APBA2: variants seen among roughly 807,000 people sequenced by gnomAD.
The protein encoded by APBA2 is amyloid beta precursor protein binding family A member 2, also known as amyloid-beta A4 precursor protein-binding family A member 2.
A neutral mutation model predicts 75.0 loss-of-function variants in APBA2; 30 were observed. That is an observed-to-expected ratio of 0.40 (90% CI 0.30 to 0.54). The LOEUF (loss-of-function observed/expected upper bound fraction) is 0.54. APBA2 is among the 20% of genes least tolerant of loss of function. The probability of loss-of-function intolerance (pLI) is 0.49; values close to 1 mark genes in which losing one functional copy is unlikely to be tolerated. For missense variants in APBA2, 801 were observed against 1,016.1 expected, an observed-to-expected ratio of 0.79 and a Z score of 2.88; for synonymous variants, 444 against 409.6, an observed-to-expected ratio of 1.08 and a Z score of -1.01.
At chr15:29,114,815 C>A (rs1005989580) in intron 14 of APBA2, among the ~76,000 whole-genome samples, 1 of 145,918 alleles carries the variant, frequency 6.9e-6, no homozygotes, top group East Asian at 2.0e-4. Flanking sequence ...TGAGTGTATG[C>A]GGATGTACGT....
intron 2 of APBA2, among the ~76,000 whole-genome samples, chr15:28,937,995 G>A (rs1324437447): frequency 6.6e-6 from 1 of 152,186 alleles, no homozygotes; most frequent in African/African-American, 2.4e-5. Context: ...GTAAGTCAGG[G>A]ACTTAGTGTC....
At chr15:28,913,783 C>T (rs2033543405) in intron 1 of APBA2, among the ~76,000 whole-genome samples, 1 of 152,212 alleles carries the variant, frequency 6.6e-6, no homozygotes, top group Non-Finnish European at 1.5e-5. Context: ...CTTACAGTCA[C>T]CGAGTTTCTT....
chr15:28,949,543 A>G lies in APBA2; in HGVS notation c.-95+27794A>G, dbSNP rs113967726. Among the ~76,000 whole-genome samples, 731 of 152,284 alleles carry G rather than the reference A, an allele frequency of 4.8e-3. 6 individuals are homozygous for G. The highest frequency in any genetic ancestry group is 0.017 in the African/African-American group (694 of 41,550). ...GAGTGCAGTGGCACGATTTCAGCTC[A>G]CTGCAGCCTCTGCCTCCCAGGCTCA... On this transcript the variant is annotated intron_variant, in intron 2 of 14. Coordinates refer to ENST00000683413, the MANE Select transcript of APBA2 (RefSeq NM_001353788.2).
intron 1 of APBA2, among the ~76,000 whole-genome samples, chr15:28,904,551 A>G (rs1359992507): frequency 4.6e-5 from 7 of 152,116 alleles, no homozygotes; most frequent in Admixed American, 4.6e-4. Context: ...AGGTTTTATT[A>G]CCCACTGACA....
chr15:28,952,536 A>G (rs557007671), intron 2 of APBA2, among the ~76,000 whole-genome samples: 2 of 152,168 alleles, frequency 1.3e-5, no homozygotes, highest in African/African-American at 2.4e-5. Flanking sequence ...TGTTTAAGAA[A>G]AAAGGAGTAT....
At chr15:28,978,575 G>A (rs1306004814) in intron 2 of APBA2, among the ~76,000 whole-genome samples, 1 of 152,218 alleles carries the variant, frequency 6.6e-6, no homozygotes, top group African/African-American at 2.4e-5. Context: ...GGTGAATGCT[G>A]TAAAAGGGGG....
intron 6 of APBA2, among the ~76,000 whole-genome samples, chr15:29,088,393 G>A (rs1426839126): frequency 6.6e-6 from 1 of 152,086 alleles, no homozygotes; most frequent in African/African-American, 2.4e-5. Flanking sequence ...GAGCATCCAG[G>A]CTCCTGCCAC....
intron 2 of APBA2, among the ~76,000 whole-genome samples, chr15:28,985,643 T>C (rs1266095623): frequency 6.6e-6 from 1 of 152,220 alleles, no homozygotes; most frequent in Non-Finnish European, 1.5e-5. Context: ...GGATTTCTGC[T>C]CTTAGAAAGG....
At chr15:29,083,698 T>G (rs2043176700) in intron 6 of APBA2, among the ~76,000 whole-genome samples, 1 of 152,028 alleles carries the variant, frequency 6.6e-6, no homozygotes, top group African/African-American at 2.4e-5. Context: ...GGCCGGCTAA[T>G]TTTTGTATTT....
At chr15:28,969,159 T>C (rs544595404) in intron 2 of APBA2, among the ~76,000 whole-genome samples, 1 of 101,364 alleles carries the variant, frequency 9.9e-6, no homozygotes, top group African/African-American at 1.7e-4. Context: ...TTTCTTTCTT[T>C]CTTTCTTTCT....
rs113946359 is a variant in APBA2, at chr15:28,991,266, G to A, written c.-94-4487G>A. On this transcript the variant is annotated intron_variant, in intron 2 of 14. Coordinates refer to ENST00000683413, the MANE Select transcript of APBA2 (RefSeq NM_001353788.2). This position sits in a 1 kb window ranked among gnomAD's most constrained non-coding sequence, Gnocchi z 4.7. ...ACAGTAAAAACGTCTCTCCTGGTCT[G>A]GGGGCGCATCCATCCCCCATGTCCC... Among the ~76,000 whole-genome samples the A allele has an allele frequency of 1.6e-4, 24 of 152,192 alleles. No homozygotes were observed. The highest frequency in any genetic ancestry group is 5.5e-4 in the African/African-American group (23 of 41,442).
At chr15:28,898,076 A>G (rs996710378) in intron 1 of APBA2, among the ~76,000 whole-genome samples, 2 of 152,078 alleles carry the variant, frequency 1.3e-5, no homozygotes, top group Admixed American at 1.3e-4. Flanking sequence ...GCTGGGAGAA[A>G]CTGGACAGGG....
chr15:29,029,342 A>G (rs1328580473), intron 3 of APBA2, among the ~76,000 whole-genome samples: 1 of 152,038 alleles, frequency 6.6e-6, no homozygotes, highest in Non-Finnish European at 1.5e-5. Context: ...CAAAAAAAAA[A>G]AACCCCTCTG....
At chr15:29,017,672 C>A (rs1429655730) in intron 3 of APBA2, among the ~76,000 whole-genome samples, 3 of 152,006 alleles carry the variant, frequency 2.0e-5, no homozygotes, top group Non-Finnish European at 2.9e-5. Flanking sequence ...TGCCCGGCAC[C>A]ATCTTCTTTT....
intron 3 of APBA2, among the ~76,000 whole-genome samples, chr15:28,997,199 C>G (rs945260452): frequency 1.3e-5 from 2 of 152,180 alleles, no homozygotes; most frequent in Non-Finnish European, 2.9e-5. Context: ...CACGGTGGCT[C>G]TCCGTGGAGG....
At chr15:28,914,814 C>T (rs1465994287) in intron 1 of APBA2, among the ~76,000 whole-genome samples, 1 of 151,932 alleles carries the variant, frequency 6.6e-6, no homozygotes, top group Admixed American at 6.6e-5. Flanking sequence ...CTGATGGGGG[C>T]CTGGCCACTC....
At chr15:28,955,006 GC>G (rs1433087547) in intron 2 of APBA2, among the ~76,000 whole-genome samples, 1 of 152,094 alleles carries the variant, frequency 6.6e-6, no homozygotes, top group Non-Finnish European at 1.5e-5. Context: ...GGCATAGCCG[GC>G]CCACCCCCAG....
At chr15:29,058,910 A>G (rs1198036912) in intron 4 of APBA2, among the ~76,000 whole-genome samples, 1 of 152,282 alleles carries the variant, frequency 6.6e-6, no homozygotes, top group Non-Finnish European at 1.5e-5. Flanking sequence ...AACCTAGGTC[A>G]GGATTTCCCA....
chr15:29,114,630 TGA>T (rs1352860818), intron 14 of APBA2, among the ~76,000 whole-genome samples: 10 of 146,678 alleles, frequency 6.8e-5, no homozygotes, highest in South Asian at 2.2e-4. Flanking sequence ...TGTGGATGTG[TGA>T]GAGCATGGGT....
Sources: gnomAD v4.1 joint callset for allele counts (sites outside exome capture counted in the v4.1 genomes callset) on GRCh38, gnomAD v4.1.1 for gene constraint, Gnocchi (gnomAD v3.1) non-coding constraint, MANE v1.5 for transcripts, NCBI Gene and HGNC (gene_info 2026-07-23, HGNC 2026-07-21) for gene names.